Variants in MBTD1 observed in about 807,000 individuals in gnomAD.
MBTD1 encodes MBT domain-containing protein 1.
In MBTD1, 24 loss-of-function variants were observed where a neutral mutation model predicts 87.8. That is an observed-to-expected ratio of 0.27 (90% CI 0.20 to 0.38). The LOEUF is 0.38. Ranked by LOEUF, MBTD1 falls within the 10% of genes least tolerant of loss-of-function variation. The probability of loss-of-function intolerance (pLI) is 1.00; values close to 1 mark genes in which losing one functional copy is unlikely to be tolerated. For missense variants in MBTD1, 436 were observed against 760.2 expected (o/e 0.57, Z 5.02); for synonymous variants, 237 against 248.6 (o/e 0.95, Z 0.44).
intron 2 of MBTD1, among the ~76,000 whole-genome samples, chr17:51,232,713 T>C (rs2053611330): frequency 6.6e-6 from 1 of 151,966 alleles, no homozygotes; most frequent in South Asian, 2.1e-4. Flanking sequence ...AATGTTGAAT[T>C]AGATACTGGC....
intron 2 of MBTD1, among the ~76,000 whole-genome samples, chr17:51,235,053 A>G (rs951582533): frequency 6.6e-6 from 1 of 152,176 alleles, no homozygotes. Context: ...AACTCATTCT[A>G]CTAGGCCAGT....
At chr17:51,201,116 G>T (rs1490620679) in intron 12 of MBTD1, among the ~76,000 whole-genome samples, 1 of 152,058 alleles carries the variant, frequency 6.6e-6, no homozygotes, top group Non-Finnish European at 1.5e-5. Context: ...GCGACAGAGA[G>T]AGACTGTCTC....
chr17:51,242,542 T>C (rs2054216026), intron 2 of MBTD1, among the ~76,000 whole-genome samples: 1 of 152,242 alleles, frequency 6.6e-6, no homozygotes, highest in African/African-American at 2.4e-5. Flanking sequence ...TGTTACTGAT[T>C]TGAAATAAGT....
rs1372798926 is a variant in MBTD1, at chr17:51,217,348, T to G, written c.472A>C (p.Thr158Pro). The G allele has an allele frequency of 6.5e-7, 1 of 1,533,990 alleles. No individual in the cohort carries two copies. Among genetic ancestry groups the G allele is most frequent in the Non-Finnish European group, 8.8e-7 (1 of 1,138,274 alleles). The change falls in exon 6 of 17, where the codon ACC (threonine) becomes CCC (proline). Residue 158 changes from threonine to proline, a missense_variant. This residue lies in a region of MBTD1 where 268 missense variants were observed against 401.8 expected (regional missense o/e 0.67). Coordinates refer to ENST00000586178, the MANE Select transcript of MBTD1 (RefSeq NM_017643.3). ...TCTGTACTTACATGTTTAAAACAGG[T>G]AACCGGAGCTGCTATAAAGCTATTG... ...NSNSFIAAPV[T>P]CFKHAPMGTC...
intron 2 of MBTD1, among the ~76,000 whole-genome samples, chr17:51,237,762 T>TA (rs1241802849): frequency 1.3e-5 from 2 of 152,166 alleles, no homozygotes; most frequent in African/African-American, 4.8e-5. Context: ...CTTAAAAAGT[T>TA]AAACAACCAC....
At chr17:51,210,786 A>ACAACAT (rs1475979859) in intron 6 of MBTD1, among the ~76,000 whole-genome samples, 13 of 146,454 alleles carry the variant, frequency 8.9e-5, no homozygotes, top group African/African-American at 2.8e-4. Context: ...AACAACAACA[A>ACAACAT]CAACAACAAC....
At chr17:51,184,686 T>TA (rs1450090307) in intron 16 of MBTD1, 1 of 152,194 alleles carries the variant, frequency 6.6e-6, no homozygotes, top group Non-Finnish European at 1.5e-5. Context: ...AAATGTGACA[T>TA]ACATCTTCAA....
chr17:51,241,530 T>G (rs1176905815), intron 2 of MBTD1, among the ~76,000 whole-genome samples: 1 of 152,138 alleles, frequency 6.6e-6, no homozygotes, highest in Admixed American at 6.6e-5. Context: ...TCTCTTTTTA[T>G]TTATTATTGG....
intron 6 of MBTD1, among the ~76,000 whole-genome samples, chr17:51,212,212 G>A (rs2052271384): frequency 6.6e-6 from 1 of 151,966 alleles, no homozygotes; most frequent in African/African-American, 2.4e-5. Flanking sequence ...ACAAAAATTA[G>A]CCGAGTGTGG....
At chr17:51,246,517 T>C (rs2054444322) in intron 2 of MBTD1, among the ~76,000 whole-genome samples, 1 of 152,246 alleles carries the variant, frequency 6.6e-6, no homozygotes, top group African/African-American at 2.4e-5. Flanking sequence ...AGGTTTATTA[T>C]TTTATATCCT....
chr17:51,195,466 C>T lies in MBTD1; in HGVS notation c.1225-105G>A, dbSNP rs189321874. ...AGGAAAATCTATTATATAAAGGTCT[C>T]TTCAAAGTGAAACATGCTTCTCTAT... On this transcript the variant is annotated intron_variant, in intron 12 of 16. Transcript: ENST00000586178. 6 of 832,630 alleles carry T rather than the reference C, an allele frequency of 7.2e-6. No homozygotes were observed. The East Asian group carries it at 1.7e-4, about 24-fold the overall frequency. 51.6% of individuals were successfully genotyped at this position (832,630 alleles called of 1,614,324 possible). A position where few individuals can be genotyped will look rare whatever the true frequency, so the allele number is the denominator to read the frequency against.
chr17:51,186,063 G>T (rs1296836780), intron 16 of MBTD1: 1 of 152,824 alleles, frequency 6.5e-6, no homozygotes, highest in Admixed American at 6.6e-5. Context: ...GCTAGTGCTG[G>T]GAGGTGGGAA....
At chr17:51,206,089 A>G (rs2051813917) in intron 7 of MBTD1, among the ~76,000 whole-genome samples, 1 of 152,162 alleles carries the variant, frequency 6.6e-6, no homozygotes. Context: ...TACAAGTCTT[A>G]TACTTCTGGA....
At chr17:51,241,099 C>T (rs1454269646) in intron 2 of MBTD1, among the ~76,000 whole-genome samples, 1 of 152,036 alleles carries the variant, frequency 6.6e-6, no homozygotes, top group Non-Finnish European at 1.5e-5. Context: ...TTGCTTCGGC[C>T]TCCTGAATAG....
intron 6 of MBTD1, among the ~76,000 whole-genome samples, chr17:51,207,522 G>A (rs1452583581): frequency 6.6e-6 from 1 of 152,196 alleles, no homozygotes; most frequent in Non-Finnish European, 1.5e-5. Flanking sequence ...TGAGGGAAAA[G>A]CACTGGATAA....
In MBTD1 at chr17:51,202,948, CA is replaced by C. The variant is rs745453475; in HGVS notation, c.829-14del. On this transcript the variant is annotated splice_polypyrimidine_tract_variant and intron_variant, in intron 9 of 16. Coordinates refer to ENST00000586178, the MANE Select transcript of MBTD1 (RefSeq NM_017643.3). ...TACTCTCTGAAACCTTAAAAGCATA[CA>C]AAAAAAACTGCTCGAAATTCATGAC... 8.8e-6 allele frequency: 14 copies of C among 1,584,434 alleles called. No homozygotes were observed. The highest frequency in any genetic ancestry group is 2.2e-5 in the South Asian group (2 of 89,470).
At position 51,179,502 on chromosome 17, in the gene MBTD1, A is replaced by ATATATATTTATATT. The variant is rs2050216696; in HGVS notation, c.*1073_*1074insAATATAAATATATA. Reference sequence around the variant, plus strand: ...GACAATTTTATATATATATATATATATATATATATATATATATATATATAT... The same window carrying ATATATATTTATATT: ...GACAATTTTATATATATATATATATATATATATTTATATTTATATATATATATATATATATATAT... On this transcript the variant is annotated 3_prime_UTR_variant, in exon 17 of 17. Coordinates refer to ENST00000586178, the MANE Select transcript of MBTD1 (RefSeq NM_017643.3). 12 of 68,094 alleles carry ATATATATTTATATT rather than the reference A, an allele frequency of 1.8e-4. No homozygotes were observed. The highest frequency in any genetic ancestry group is 5.5e-4 in the African/African-American group (10 of 18,126). 4.2% of individuals were successfully genotyped at this position (68,094 alleles called of 1,614,324 possible).
intron 16 of MBTD1, among the ~76,000 whole-genome samples, chr17:51,189,414 A>G (rs1050949824): frequency 6.6e-6 from 1 of 152,196 alleles, no homozygotes; most frequent in African/African-American, 2.4e-5. Flanking sequence ...TTGCATATAG[A>G]CCAAAATTCA....
chr17:51,246,769 G>A (rs2054461653), intron 2 of MBTD1, among the ~76,000 whole-genome samples: 1 of 152,038 alleles, frequency 6.6e-6, no homozygotes, highest in Non-Finnish European at 1.5e-5. Flanking sequence ...CTGAGTAGCT[G>A]GGACTACAGG....
Sources: allele counts gnomAD v4.1 joint callset (sites outside exome capture counted in the v4.1 genomes callset), GRCh38; gene constraint gnomAD v4.1.1; regional missense constraint gnomAD v4.1.1; transcripts MANE v1.5; gene names NCBI Gene and HGNC (gene_info 2026-07-23, HGNC 2026-07-21).